SEC24B: variants seen among roughly 807,000 people sequenced by gnomAD.
The protein encoded by SEC24B is protein transport protein Sec24B.
In SEC24B, 45 loss-of-function variants were observed where a neutral mutation model predicts 142.8. The observed-to-expected ratio is 0.32, with a 90% CI of 0.25 to 0.40. The LOEUF is 0.40. Ranked by LOEUF, SEC24B falls within the 10% of genes least tolerant of loss-of-function variation. SEC24B has a pLI of 1.00. For synonymous variants in SEC24B, 574 were observed against 568.2 expected (o/e 1.01, Z -0.15); for missense variants, 1,409 against 1,526.8 (o/e 0.92, Z 1.29).
At chr4:109,536,125 A>G (rs1418417560) in intron 22 of SEC24B, among the ~76,000 whole-genome samples, 1 of 152,192 alleles carries the variant, frequency 6.6e-6, no homozygotes, top group Non-Finnish European at 1.5e-5. Context: ...GGTAAAACTC[A>G]ACAAATGAGG....
At chr4:109,506,041 C>T (rs184514951) in intron 6 of SEC24B, among the ~76,000 whole-genome samples, 4 of 152,238 alleles carry the variant, frequency 2.6e-5, no homozygotes, top group Admixed American at 2.6e-4. Flanking sequence ...GGGCACTTAT[C>T]GTGTTTTTCA....
chr4:109,455,375 C>T (rs116069194), intron 1 of SEC24B, among the ~76,000 whole-genome samples: 2,249 of 152,082 alleles, frequency 0.015, 38 homozygotes, highest in African/African-American at 0.038. Context: ...TCAGCCCTCC[C>T]GAGTAGCTGA....
intron 3 of SEC24B, among the ~76,000 whole-genome samples, chr4:109,480,018 C>T (rs1313006334): frequency 2.0e-5 from 3 of 151,922 alleles, no homozygotes; most frequent in African/African-American, 4.8e-5. Flanking sequence ...TTATTTACAT[C>T]GATTTTTATT....
At position 109,527,342 on chromosome 4, in the gene SEC24B, C is replaced by T. The variant is rs2126085991; in HGVS notation, c.2986C>T (p.His996Tyr). 2 of 1,611,520 alleles carry T rather than the reference C, an allele frequency of 1.2e-6. No individual in the cohort carries two copies. Among genetic ancestry groups the T allele is most frequent in the Non-Finnish European group, 1.7e-6 (2 of 1,178,478 alleles). The change falls in exon 18 of 24, where the codon CAT becomes TAT. Residue 996 changes from histidine (H) to tyrosine (Y), a missense_variant. Transcript: ENST00000265175. ...SSKGERRIRV[H>Y]TLCLPVVSSL... ...TTTAGGTGAGCGGAGAATTAGAGTA[C>T]ATACACTTTGTTTGCCAGTGGTAAG...
chr4:109,508,157 A>C (rs115922833), intron 7 of SEC24B, among the ~76,000 whole-genome samples: 2,252 of 152,256 alleles, frequency 0.015, 38 homozygotes, highest in African/African-American at 0.038. Flanking sequence ...AGTGTCATGG[A>C]TTATAGGTTG....
At chr4:109,453,784 A>G (rs867285438) in intron 1 of SEC24B, among the ~76,000 whole-genome samples, 7 of 151,936 alleles carry the variant, frequency 4.6e-5, no homozygotes, top group African/African-American at 1.5e-4. Flanking sequence ...TGATTGCGGA[A>G]GTGATAAATG....
intron 6 of SEC24B, among the ~76,000 whole-genome samples, chr4:109,504,262 A>G (rs1445085452): frequency 6.6e-6 from 1 of 152,240 alleles, no homozygotes; most frequent in Non-Finnish European, 1.5e-5. Context: ...TCTAAATGTC[A>G]TTTAAAATTC....
intron 1 of SEC24B, among the ~76,000 whole-genome samples, chr4:109,454,412 G>T (rs1001447521): frequency 4.0e-5 from 6 of 151,862 alleles, no homozygotes; most frequent in African/African-American, 7.3e-5. Flanking sequence ...GGTGGTGGGT[G>T]CCTGTATTCC....
At chr4:109,435,384 T>C (rs538504559) in intron 1 of SEC24B, among the ~76,000 whole-genome samples, 97 of 152,336 alleles carry the variant, frequency 6.4e-4, no homozygotes, top group South Asian at 1.5e-3. Flanking sequence ...AGTTCTTGTT[T>C]TTGTTTGTTT....
rs1193043616 is a variant in SEC24B, at chr4:109,525,627, A to G, written c.2791+123A>G. ...ACTGTTTGATCTCATTAGCTATACCATGTTTTAAATAGATAATAGTTATTG... is the reference window on the plus strand; with the variant it reads ...ACTGTTTGATCTCATTAGCTATACCGTGTTTTAAATAGATAATAGTTATTG... On this transcript the variant is annotated intron_variant, in intron 16 of 23. Coordinates refer to ENST00000265175, the MANE Select transcript of SEC24B (RefSeq NM_006323.5). 3.4e-5 allele frequency: 19 copies of G among 552,366 alleles called. No individual in the cohort carries two copies. In the South Asian group the frequency reaches 4.1e-4, roughly 12 times the overall value. 34.2% of individuals were successfully genotyped at this position (552,366 alleles called of 1,614,324 possible).
chr4:109,491,479 A>G (rs1735015800), intron 5 of SEC24B, 72 bp downstream of exon 5: 10 of 1,129,476 alleles, frequency 8.9e-6, no homozygotes, highest in African/African-American at 1.5e-5. Context: ...AAATGTGAAC[A>G]TGTATTACAC....
At chr4:109,519,180 C>G (rs917536624) in intron 11 of SEC24B, among the ~76,000 whole-genome samples, 7 of 152,102 alleles carry the variant, frequency 4.6e-5, no homozygotes, top group Non-Finnish European at 7.4e-5. Context: ...CAGGTTGATG[C>G]ATGGAGTGGA....
At chr4:109,459,081 G>A (rs1730997265) in intron 1 of SEC24B, among the ~76,000 whole-genome samples, 1 of 152,082 alleles carries the variant, frequency 6.6e-6, no homozygotes, top group South Asian at 2.1e-4. Context: ...CATAATATAT[G>A]TATATGTGTA....
chr4:109,498,731 A>C (rs1484740123), intron 6 of SEC24B, among the ~76,000 whole-genome samples: 1 of 152,196 alleles, frequency 6.6e-6, no homozygotes, highest in Non-Finnish European at 1.5e-5. Context: ...CTTAACAGTC[A>C]TAATAAAGTT....
intron 6 of SEC24B, among the ~76,000 whole-genome samples, chr4:109,503,964 T>C (rs1031200114): frequency 6.6e-6 from 1 of 152,128 alleles, no homozygotes; most frequent in Admixed American, 6.6e-5. Context: ...ACTTGGGTCT[T>C]TTGGGGGGTT....
In SEC24B at chr4:109,530,423, C is replaced by T. The variant is rs1172339981; in HGVS notation, c.3211C>T (p.Leu1071Phe). 6.2e-7 allele frequency: 1 copy of T among 1,613,926 alleles called. No individual in the cohort carries two copies. Among genetic ancestry groups the T allele is most frequent in the African/African-American group, 1.3e-5 (1 of 74,922 alleles). Residue 1071 changes from leucine (L) to phenylalanine (F), a missense_variant, in exon 19 of 24, where the codon CTC becomes TTC. Leu to Phe is a conservative substitution (Grantham distance 22). Transcript: ENST00000265175. ...CTCTGCATTGATGGCGCCCAGCTCC[C>T]TCAAGTTGTTTCCTCTCTATGTTTT... is the stretch of plus-strand genomic sequence containing the variant. ...QHSALMAPSS[L>F]KLFPLYVLAL...
chr4:109,528,965 C>T (rs114209414), intron 18 of SEC24B, among the ~76,000 whole-genome samples: 3,939 of 152,220 alleles, frequency 0.026, 85 homozygotes, highest in Non-Finnish European at 0.037. Flanking sequence ...GAGTTCAAGA[C>T]GAGACTGGTC....
At chr4:109,536,457 A>G (rs1472728522) in intron 22 of SEC24B, among the ~76,000 whole-genome samples, 1 of 152,230 alleles carries the variant, frequency 6.6e-6, no homozygotes, top group African/African-American at 2.4e-5. Flanking sequence ...AATAACTTTC[A>G]AATGGATCAA....
intron 15 of SEC24B, 109 bp from the exon 16 acceptor site, chr4:109,525,237 A>G: frequency 1.1e-6 from 1 of 909,560 alleles, no homozygotes; most frequent in Non-Finnish European, 1.6e-6. Flanking sequence ...TTGATGGCTT[A>G]GGTTTTCTCA....
Sources: allele counts gnomAD v4.1 joint callset (sites outside exome capture counted in the v4.1 genomes callset), GRCh38; gene constraint gnomAD v4.1.1; transcripts MANE v1.5; gene names NCBI Gene and HGNC (gene_info 2026-07-23, HGNC 2026-07-21).